Variants in AGBL1 observed in about 807,000 individuals in gnomAD.
AGBL1 encodes the protein AGBL carboxypeptidase 1.
AGBL1 carries 130 observed loss-of-function variants against 118.9 expected under a neutral mutation model. The observed-to-expected ratio is 1.09, with a 90% confidence interval of 0.95 to 1.26. The LOEUF is 1.26. AGBL1 is among the 50% of genes most tolerant of loss of function. AGBL1 has a pLI of 0.00. For synonymous variants in AGBL1, 555 were observed against 478.9 expected (o/e 1.16, Z -2.08); for missense variants, 1,584 against 1,298.1 (o/e 1.22, Z -3.38).
At chr15:86,961,513 G>C (rs2080992575) in intron 23 of AGBL1, among the ~76,000 whole-genome samples, 1 of 152,048 alleles carries the variant, frequency 6.6e-6, no homozygotes, top group Non-Finnish European at 1.5e-5. Context: ...CTTCATTGAG[G>C]TTACACACAG....
chr15:86,495,532 A>G (rs1276921116), intron 18 of AGBL1, among the ~76,000 whole-genome samples: 1 of 151,876 alleles, frequency 6.6e-6, no homozygotes, highest in Non-Finnish European at 1.5e-5. Context: ...TCATTTCTTT[A>G]ACCCATAAAT....
At chr15:86,504,358 C>T (rs984666291) in intron 18 of AGBL1, among the ~76,000 whole-genome samples, 1 of 151,362 alleles carries the variant, frequency 6.6e-6, no homozygotes, top group Non-Finnish European at 1.5e-5. Context: ...TAAAAAAATC[C>T]ATTCTAATCT....
intron 19 of AGBL1, among the ~76,000 whole-genome samples, chr15:86,545,275 G>T (rs754036017): frequency 6.6e-5 from 10 of 152,198 alleles, no homozygotes; most frequent in Non-Finnish European, 5.9e-5. Flanking sequence ...ATAAGCCATT[G>T]TGTTTTGATG....
At chr15:86,794,616 T>A (rs2078543775) in intron 22 of AGBL1, among the ~76,000 whole-genome samples, 1 of 152,128 alleles carries the variant, frequency 6.6e-6, no homozygotes, top group African/African-American at 2.4e-5. Context: ...CTTTATAATA[T>A]GTGAATTTTA....
intron 18 of AGBL1, among the ~76,000 whole-genome samples, chr15:86,476,104 C>T (rs549157498): frequency 3.3e-5 from 5 of 152,250 alleles, no homozygotes; most frequent in African/African-American, 9.6e-5. Flanking sequence ...AAGGAACAAC[C>T]AGTACCAGCC....
At chr15:86,126,161 C>G (rs925332393) in intron 1 of AGBL1, among the ~76,000 whole-genome samples, 1 of 152,054 alleles carries the variant, frequency 6.6e-6, no homozygotes, top group Non-Finnish European at 1.5e-5. Context: ...TTTATTTACC[C>G]TCTTAACTAA....
intron 22 of AGBL1, among the ~76,000 whole-genome samples, chr15:86,756,860 TA>T (rs977322178): frequency 1.3e-5 from 2 of 152,060 alleles, no homozygotes; most frequent in African/African-American, 4.8e-5. Context: ...TTAAGGTTTT[TA>T]AGGAAGAATA....
Position 86,080,115 on chromosome 15 carries a change from C to G in AGBL1, c.51+92C>G, listed in dbSNP as rs143978295. The G allele has an allele frequency of 1.5e-3, 1,502 of 1,000,094 alleles. 12 individuals carry two copies. The African/African-American group carries it at 0.022, about 15-fold the overall frequency. 62.0% of individuals were successfully genotyped at this position (1,000,094 alleles called of 1,614,324 possible). On this transcript the variant is annotated intron_variant, in intron 1 of 22. Transcript: ENST00000614907. ...GAGCTATGCACACAGTCCCCTCTGG[C>G]AGTCACTGGCCCAGTTTGTTAACAG...
chr15:86,685,055 T>C (rs1185863121), intron 22 of AGBL1, among the ~76,000 whole-genome samples: 1 of 152,120 alleles, frequency 6.6e-6, no homozygotes, highest in African/African-American at 2.4e-5. Context: ...CAAAGAGGTA[T>C]GTTTAGAAGT....
intron 22 of AGBL1, among the ~76,000 whole-genome samples, chr15:86,891,477 G>A (rs765640481): frequency 6.6e-5 from 10 of 151,512 alleles, no homozygotes; most frequent in Non-Finnish European, 1.3e-4. Context: ...ATACCAAATG[G>A]TAAAATATCT....
At chr15:86,470,187 A>G (rs1322598234) in intron 18 of AGBL1, among the ~76,000 whole-genome samples, 1 of 152,122 alleles carries the variant, frequency 6.6e-6, no homozygotes, top group Non-Finnish European at 1.5e-5. Flanking sequence ...TTTCCTTCTA[A>G]TAGTTTTACA....
At chr15:86,321,285 A>T (rs2080100773) in intron 17 of AGBL1, among the ~76,000 whole-genome samples, 1 of 152,152 alleles carries the variant, frequency 6.6e-6, no homozygotes, top group South Asian at 2.1e-4. Flanking sequence ...TGATTAAATA[A>T]TATTTTCTGG....
In AGBL1 at chr15:86,962,760, A is replaced by G. The variant is rs1004593631; in HGVS notation, c.3222-25227A>G. Among the ~76,000 whole-genome samples, 12 of 152,220 alleles carry G rather than the reference A, an allele frequency of 7.9e-5. No homozygotes were observed. The South Asian group carries it at 2.3e-3, about 29-fold the overall frequency. On this transcript the variant is annotated intron_variant, in intron 23 of 24. Transcript: ENST00000441037. ...ATATGGTTCTTGGAAAAGGAAGGTT[A>G]GCATCACTGTGGATCTTGTTAGAAA...
chr15:86,453,545 G>A (rs1258199287), intron 18 of AGBL1, among the ~76,000 whole-genome samples: 1 of 152,210 alleles, frequency 6.6e-6, no homozygotes, highest in African/African-American at 2.4e-5. Context: ...CTTCCCGAAA[G>A]CAGCCTGACA....
chr15:86,677,955 C>T (rs549096829), intron 22 of AGBL1, among the ~76,000 whole-genome samples: 14 of 152,160 alleles, frequency 9.2e-5, no homozygotes, highest in Middle Eastern at 3.4e-3. Flanking sequence ...AGCATTATGG[C>T]GAAATATCCT....
chr15:86,247,966 C>G, intron 7 of AGBL1, 87 bp downstream of exon 7: 1 of 1,481,352 alleles, frequency 6.8e-7, no homozygotes, highest in Non-Finnish European at 9.4e-7. Context: ...CCAGATAGAG[C>G]TGGGAACGCC....
chr15:86,730,316 CAACA>C (rs2077510537), intron 22 of AGBL1, among the ~76,000 whole-genome samples: 1 of 152,026 alleles, frequency 6.6e-6, no homozygotes, highest in Non-Finnish European at 1.5e-5. Context: ...TCAACAGAGT[CAACA>C]GACAGAATGG....
chr15:86,274,209 G>A (rs1364540196), intron 15 of AGBL1, among the ~76,000 whole-genome samples: 1 of 151,934 alleles, frequency 6.6e-6, no homozygotes, highest in Non-Finnish European at 1.5e-5. Context: ...ATAGCTTAGG[G>A]CACACTAGAA....
chr15:86,673,236 T>C (rs1338280045), intron 21 of AGBL1, among the ~76,000 whole-genome samples: 1 of 152,200 alleles, frequency 6.6e-6, no homozygotes, highest in East Asian at 1.9e-4. Flanking sequence ...CTGTGAAATA[T>C]TCCTTATCAC....
Sources: gnomAD v4.1 joint callset for allele counts (sites outside exome capture counted in the v4.1 genomes callset) on GRCh38, gnomAD v4.1.1 for gene constraint, MANE v1.5 for transcripts, NCBI Gene and HGNC (gene_info 2026-07-23, HGNC 2026-07-21) for gene names.